ESRRG: variants seen among roughly 807,000 people sequenced by gnomAD.
ESRRG encodes the protein estrogen related receptor gamma.
A neutral mutation model predicts 44.0 loss-of-function variants in ESRRG; 13 were observed. The ratio of observed to expected loss-of-function variants is 0.30; its 90% CI spans 0.19 to 0.47. The LOEUF is 0.47. Ranked by LOEUF, ESRRG falls within the 20% of genes least tolerant of loss-of-function variation. The probability of loss-of-function intolerance (pLI) is 1.00; values close to 1 mark genes in which losing one functional copy is unlikely to be tolerated. For synonymous variants in ESRRG, 215 were observed against 214.6 expected, an observed-to-expected ratio of 1.00 and a Z score of -0.02; for missense variants, 395 against 580.6, an observed-to-expected ratio of 0.68 and a Z score of 3.29.
At chr1:216,571,237 G>T (rs1417866432) in intron 3 of ESRRG, among the ~76,000 whole-genome samples, 1 of 152,168 alleles carries the variant, frequency 6.6e-6, no homozygotes, top group African/African-American at 2.4e-5. Context: ...GAGGTCAGGA[G>T]TTCGAGACCA....
In ESRRG at chr1:217,133,636, TCTCTC is replaced by T. The variant is rs1558298165; in HGVS notation, c.-230+4026_-230+4030del. On this transcript the variant is annotated intron_variant, in intron 1 of 8. Transcript: ENST00000366940. ...TTCTTTCTTTCTTTCTTTCTTTCTC[TCTCTC>T]TCTCTCTTTCTTTCTTTCTTTCTTT... Among the ~76,000 whole-genome samples the T allele has an allele frequency of 3.2e-4, 17 of 53,892 alleles. 1 individual carries two copies. Among genetic ancestry groups the T allele is most frequent in the African/African-American group, 1.2e-3 (11 of 9,294 alleles). 35.4% of individuals were successfully genotyped at this position (53,892 alleles called of 152,430 possible).
intron 1 of ESRRG, among the ~76,000 whole-genome samples, chr1:216,712,658 C>T (rs939052640): frequency 3.3e-5 from 5 of 152,128 alleles, no homozygotes; most frequent in African/African-American, 1.2e-4. Context: ...GTGCTTTCCT[C>T]GGGCAGGAAT....
chr1:216,847,530 C>T (rs1037705059), intron 2 of ESRRG, among the ~76,000 whole-genome samples: 2 of 152,004 alleles, frequency 1.3e-5, no homozygotes, highest in African/African-American at 2.4e-5. Flanking sequence ...TTTTTAACTA[C>T]ACCAACACAT....
intron 1 of ESRRG, among the ~76,000 whole-genome samples, chr1:217,012,193 T>C (rs1007468874): frequency 3.3e-4 from 50 of 152,322 alleles, no homozygotes; most frequent in African/African-American, 1.2e-3. Context: ...TTCTAGTGGA[T>C]TGCCATTAAA....
chr1:216,941,318 G>A (rs1578426971), intron 1 of ESRRG, among the ~76,000 whole-genome samples: 1 of 152,038 alleles, frequency 6.6e-6, no homozygotes, highest in Admixed American at 6.6e-5. Flanking sequence ...TTTGAATCAA[G>A]AAAAATCCTT....
chr1:216,735,131 A>C (rs946676688), intron 2 of ESRRG, among the ~76,000 whole-genome samples: 1 of 150,120 alleles, frequency 6.7e-6, no homozygotes, highest in African/African-American at 2.5e-5. Flanking sequence ...CTGGTTTCCA[A>C]CTCCTCACCT....
Position 216,977,932 on chromosome 1 carries a change from C to T in ESRRG, c.-105-38259G>A, listed in dbSNP as rs114368403. ...TTGGTCCAATTTCCCCTTGCTTGCA[C>T]GTGCTCTCTTGTCCTTCTCCCTTCC... On this transcript the variant is annotated intron_variant, in intron 1 of 7. Coordinates refer to the ESRRG transcript ENST00000359162. 3.8e-3 allele frequency among the ~76,000 whole-genome samples: 585 copies of T among 152,206 alleles called. 1 individual carries two copies. Among genetic ancestry groups the T allele is most frequent in the African/African-American group, 0.012 (484 of 41,524 alleles).
chr1:217,030,119 C>A (rs529785515), intron 1 of ESRRG, among the ~76,000 whole-genome samples: 14 of 152,132 alleles, frequency 9.2e-5, no homozygotes, highest in Non-Finnish European at 1.3e-4. Flanking sequence ...AGTGCCTACA[C>A]AGAGATTCTT....
At chr1:216,543,124 G>A (rs936653170) in intron 5 of ESRRG, among the ~76,000 whole-genome samples, 1 of 151,930 alleles carries the variant, frequency 6.6e-6, no homozygotes, top group African/African-American at 2.4e-5. Context: ...TAGTTGCCAC[G>A]TGCAACAATG....
chr1:216,595,019 T>A (rs980239169), intron 3 of ESRRG, among the ~76,000 whole-genome samples: 8 of 152,208 alleles, frequency 5.3e-5, no homozygotes, highest in Non-Finnish European at 1.0e-4. Context: ...CTAGAGGTGA[T>A]GTTTCTATAA....
intron 6 of ESRRG, among the ~76,000 whole-genome samples, chr1:216,514,414 A>G (rs1284177752): frequency 6.6e-6 from 1 of 152,132 alleles, no homozygotes; most frequent in Admixed American, 6.5e-5. Flanking sequence ...TGCCACACAA[A>G]GCTTACATAT....
chr1:216,649,640 T>C (rs899265083), intron 3 of ESRRG, among the ~76,000 whole-genome samples: 2 of 152,154 alleles, frequency 1.3e-5, no homozygotes, highest in Admixed American at 6.5e-5. Context: ...AACTTTATTA[T>C]AACATTATAC....
intron 1 of ESRRG, among the ~76,000 whole-genome samples, chr1:216,979,272 G>GGGATAAAAT (rs2073521569): frequency 6.6e-6 from 1 of 152,014 alleles, no homozygotes; most frequent in Non-Finnish European, 1.5e-5. Flanking sequence ...ATTCAGGATT[G>GGGATAAAAT]GCTTTAAGGG....
chr1:216,792,558 C>A (rs2094352213), intron 2 of ESRRG, among the ~76,000 whole-genome samples: 1 of 152,142 alleles, frequency 6.6e-6, no homozygotes, highest in South Asian at 2.1e-4. Flanking sequence ...AAAGATGAGG[C>A]AGTGGCATTA....
chr1:216,905,573 G>A (rs953047725), intron 2 of ESRRG, among the ~76,000 whole-genome samples: 19 of 151,976 alleles, frequency 1.3e-4, no homozygotes, highest in African/African-American at 4.6e-4. Context: ...ACGTAATAAC[G>A]GAACACCTCC....
At chr1:216,701,877 A>G (rs145645888) in intron 1 of ESRRG, among the ~76,000 whole-genome samples, 3 of 152,230 alleles carry the variant, frequency 2.0e-5, no homozygotes, top group Non-Finnish European at 4.4e-5. Context: ...GCAGTATTTA[A>G]AGTAGCCAGA....
At chr1:216,675,522 CACAT>C (rs1261822756) in intron 2 of ESRRG, among the ~76,000 whole-genome samples, 1 of 152,112 alleles carries the variant, frequency 6.6e-6, no homozygotes. Flanking sequence ...ATGAAGGCTC[CACAT>C]AAATTAGTTT....
intron 1 of ESRRG, among the ~76,000 whole-genome samples, chr1:216,977,341 T>TATACACACAC (rs146010546): frequency 0.021 from 3,091 of 144,026 alleles, 56 homozygotes; most frequent in Admixed American, 0.037. Flanking sequence ...GGAGGATACA[T>TATACACACAC]ACACACACAC....
chr1:216,732,838 T>TA (rs796734813), intron 2 of ESRRG, among the ~76,000 whole-genome samples: 6 of 69,046 alleles, frequency 8.7e-5, no homozygotes, highest in Middle Eastern at 0.013. Context: ...TCTCTAAAAT[T>TA]AAAAAAAAAA....
Sources: allele counts gnomAD v4.1 joint callset (sites outside exome capture counted in the v4.1 genomes callset), GRCh38; gene constraint gnomAD v4.1.1; transcripts MANE v1.5; gene names NCBI Gene and HGNC (gene_info 2026-07-23, HGNC 2026-07-21).